Variants in TYW1B observed in about 807,000 individuals in gnomAD.
The protein encoded by TYW1B is S-adenosyl-L-methionine-dependent tRNA 4-demethylwyosine synthase TYW1B.
In TYW1B, 73 loss-of-function variants were observed where a neutral mutation model predicts 86.9. That is an observed-to-expected ratio of 0.84 (90% confidence interval 0.70 to 1.02). The LOEUF is 1.02. Among genes scored for constraint, TYW1B ranks in the 50% least tolerant of loss-of-function variants. The pLI is 0.00. For synonymous variants in TYW1B, 248 were observed against 292.8 expected (o/e 0.85, Z 1.56); for missense variants, 637 against 827.4 (o/e 0.77, Z 2.82).
At chr7:72,699,784 G>T (rs1814415625) in intron 10 of TYW1B, among the ~76,000 whole-genome samples, 1 of 151,884 alleles carries the variant, frequency 6.6e-6, no homozygotes, top group African/African-American at 2.4e-5. Flanking sequence ...CAAGTAGCTG[G>T]TTCTACAGGC....
intron 6 of TYW1B, 139 bp from the exon 7 acceptor site, chr7:72,777,672 T>C: frequency 1.9e-6 from 2 of 1,051,924 alleles, no homozygotes; most frequent in Admixed American, 5.4e-5. Context: ...TCCCAGCATT[T>C]TAGAAGGCCA....
At chr7:72,632,729 A>C (rs1479957683) in intron 11 of TYW1B, among the ~76,000 whole-genome samples, 2 of 150,594 alleles carry the variant, frequency 1.3e-5, no homozygotes, top group Non-Finnish European at 2.9e-5. Flanking sequence ...AGCCCTTACT[A>C]TGTGGCAGCT....
chr7:72,620,050 C>T (rs1402023241), intron 12 of TYW1B, among the ~76,000 whole-genome samples: 3 of 152,158 alleles, frequency 2.0e-5, no homozygotes, highest in Non-Finnish European at 2.9e-5. Context: ...CCTTACAACT[C>T]TATGATGCTT....
intron 9 of TYW1B, among the ~76,000 whole-genome samples, chr7:72,727,003 G>A (rs1554458838): frequency 6.6e-6 from 1 of 152,112 alleles, no homozygotes; most frequent in Non-Finnish European, 1.5e-5. Context: ...ACTATCACGA[G>A]AACACCATGG....
At chr7:72,675,258 G>A (rs1161958050) in intron 11 of TYW1B, among the ~76,000 whole-genome samples, 1 of 151,988 alleles carries the variant, frequency 6.6e-6, no homozygotes, top group Middle Eastern at 3.2e-3. Context: ...AATTAGCCGG[G>A]TGTGGTGGCA....
At chr7:72,777,936 T>C (rs782148402) in intron 6 of TYW1B, among the ~76,000 whole-genome samples, 9 of 151,956 alleles carry the variant, frequency 5.9e-5, no homozygotes, top group Non-Finnish European at 1.0e-4. Flanking sequence ...TAATTATAAA[T>C]AATTTTTAAA....
At chr7:72,824,273 C>A (rs1286654740) in intron 2 of TYW1B, among the ~76,000 whole-genome samples, 14 of 152,200 alleles carry the variant, frequency 9.2e-5, no homozygotes, top group African/African-American at 3.1e-4. Context: ...TTCATGCTAG[C>A]CTTCCTTAAA....
At chr7:72,664,699 C>T (rs558957539) in intron 11 of TYW1B, among the ~76,000 whole-genome samples, 20 of 151,510 alleles carry the variant, frequency 1.3e-4, no homozygotes, top group South Asian at 8.4e-4. Context: ...CGAATTCCCA[C>T]GACACAAGTT....
chr7:72,807,709 G>A (rs1352732581), intron 4 of TYW1B, among the ~76,000 whole-genome samples: 2 of 152,106 alleles, frequency 1.3e-5, no homozygotes, highest in Non-Finnish European at 2.9e-5. Context: ...TTCCAAAAAT[G>A]TAACAAAGCC....
At chr7:72,808,448 C>T (rs1788536439) in intron 4 of TYW1B, among the ~76,000 whole-genome samples, 1 of 151,794 alleles carries the variant, frequency 6.6e-6, no homozygotes, top group Non-Finnish European at 1.5e-5. Context: ...TCAAAAAACA[C>T]ATAATCAAAA....
intron 7 of TYW1B, among the ~76,000 whole-genome samples, chr7:72,753,118 A>T (rs1481356188): frequency 7.0e-6 from 1 of 142,512 alleles, no homozygotes; most frequent in Non-Finnish European, 1.6e-5. Flanking sequence ...TTGGTTGATT[A>T]AAAAAAAAAA....
intron 10 of TYW1B, among the ~76,000 whole-genome samples, chr7:72,695,949 C>CT (rs1159991591): frequency 1.6e-4 from 15 of 93,704 alleles, no homozygotes; most frequent in African/African-American, 5.8e-4. Context: ...TTTTTCTTTT[C>CT]TTTTTTTTTT....
intron 11 of TYW1B, among the ~76,000 whole-genome samples, chr7:72,687,156 C>T (rs1453006233): frequency 1.3e-5 from 2 of 152,148 alleles, no homozygotes; most frequent in African/African-American, 4.8e-5. Context: ...CAAAGACAGG[C>T]CAGGCACAGT....
chr7:72,672,473 A>ACAC (rs1813630351), intron 11 of TYW1B, among the ~76,000 whole-genome samples: 26 of 140,880 alleles, frequency 1.8e-4, no homozygotes, highest in Middle Eastern at 3.5e-3. Flanking sequence ...TACACACACA[A>ACAC]ACACACACAC....
intron 6 of TYW1B, among the ~76,000 whole-genome samples, chr7:72,791,459 G>A (rs1388897494): frequency 1.3e-5 from 2 of 151,544 alleles, no homozygotes; most frequent in Non-Finnish European, 2.9e-5. Context: ...TCTGACCTGA[G>A]GACAATGGGA....
At chr7:72,661,793 A>T (rs1438182286) in intron 11 of TYW1B, among the ~76,000 whole-genome samples, 2 of 151,968 alleles carry the variant, frequency 1.3e-5, no homozygotes, top group Non-Finnish European at 2.9e-5. Flanking sequence ...TTCAAACTGC[A>T]CCTCCACTAA....
intron 4 of TYW1B, among the ~76,000 whole-genome samples, chr7:72,810,170 C>A (rs538523419): frequency 6.6e-6 from 1 of 151,976 alleles, no homozygotes; most frequent in Non-Finnish European, 1.5e-5. Context: ...CCCAGCTACT[C>A]GGGAGGTTGA....
chr7:72,733,159 AACACACACAC>A lies in TYW1B; in HGVS notation c.1083-4238_1083-4229del, dbSNP rs145935571. ...CCCTGGTAAATTCCACCAAACCTAA[AACACACACAC>A]ACACACACACACACACACACACACA... On this transcript the variant is annotated intron_variant, in intron 8 of 13. Coordinates refer to ENST00000620995, the MANE Select transcript of TYW1B (RefSeq NM_001145440.3). Among the ~76,000 whole-genome samples the A allele has an allele frequency of 2.5e-4, 37 of 147,210 alleles. 1 individual carries two copies. Among genetic ancestry groups the A allele is most frequent in the South Asian group, 1.1e-3 (5 of 4,592 alleles).
At chr7:72,795,505 T>C (rs1788289621) in intron 6 of TYW1B, among the ~76,000 whole-genome samples, 1 of 150,848 alleles carries the variant, frequency 6.6e-6, no homozygotes, top group African/African-American at 2.4e-5. Flanking sequence ...AAACATTTTT[T>C]GACGCGAAAC....
Sources: gnomAD v4.1 joint callset for allele counts (sites outside exome capture counted in the v4.1 genomes callset) on GRCh38, gnomAD v4.1.1 for gene constraint, MANE v1.5 for transcripts, NCBI Gene and HGNC (gene_info 2026-07-23, HGNC 2026-07-21) for gene names.